The following NKAIN3 variants were observed in gnomAD, a reference collection of about 807,000 sequenced individuals.
NKAIN3 encodes sodium/potassium transporting ATPase interacting 3.
Under a neutral mutation model 30.2 loss-of-function variants are expected in NKAIN3, and 25 were observed. The observed-to-expected ratio is 0.83, with a 90% CI of 0.60 to 1.16. NKAIN3 has a LOEUF of 1.16. NKAIN3 is among the 50% of genes most tolerant of loss of function. NKAIN3 has a pLI of 0.00. For synonymous variants in NKAIN3, 91 were observed against 89.6 expected (o/e 1.02, Z -0.09); for missense variants, 225 against 254.1 (o/e 0.89, Z 0.78).
At chr8:62,442,297 A>G (rs1012680000) in intron 1 of NKAIN3, among the ~76,000 whole-genome samples, 9 of 151,986 alleles carry the variant, frequency 5.9e-5, no homozygotes, top group African/African-American at 2.2e-4. Flanking sequence ...TTGTCTATTC[A>G]TTAGGCTAAT....
chr8:62,966,199 C>A lies in NKAIN3; in HGVS notation c.*792C>A. ...ACATACAGCTCATGGGCTTGTGGGA[C>A]AGAAATCACAAACATAGACCTGCAG... On this transcript the variant is annotated 3_prime_UTR_variant, in exon 7 of 7. Coordinates refer to ENST00000623646, the MANE Select transcript of NKAIN3 (RefSeq NM_001304533.3). 1 of 984,846 alleles carries A rather than the reference C, an allele frequency of 1.0e-6. No individual in the cohort carries two copies. The highest frequency in any genetic ancestry group is 1.2e-6 in the Non-Finnish European group (1 of 829,524). The allele number at this position is 984,846 out of a possible 1,614,324, so 61.0% of individuals were successfully genotyped here.
At chr8:62,577,465 T>TG (rs1185635147) in intron 1 of NKAIN3, among the ~76,000 whole-genome samples, 2 of 102,438 alleles carry the variant, frequency 2.0e-5, no homozygotes, top group Non-Finnish European at 2.4e-5. Flanking sequence ...GTTTTTTTGT[T>TG]GTTTTTTTTT....
At chr8:62,767,384 G>A (rs1018359214) in intron 4 of NKAIN3, among the ~76,000 whole-genome samples, 1 of 152,124 alleles carries the variant, frequency 6.6e-6, no homozygotes, top group Admixed American at 6.6e-5. Context: ...CACCTGAAGA[G>A]GCTGGTGACC....
rs1809880924 is a variant in NKAIN3 at position 62,569,924 on chromosome 8, T to G, written c.55-9615T>G. The stretch of plus-strand genomic sequence containing the variant: ...TCATGATTATGAAATATTTATCACA[T>G]GAATTCCTAGGCTAGAGACTACACA... On this transcript the variant is annotated intron_variant, in intron 1 of 6. Coordinates refer to ENST00000623646, the MANE Select transcript of NKAIN3 (RefSeq NM_001304533.3). 2.0e-5 allele frequency among the ~76,000 whole-genome samples: 3 copies of G among 152,138 alleles called. No individual in the cohort carries two copies. In the South Asian group the frequency reaches 6.2e-4, roughly 32 times the overall value.
chr8:62,919,227 A>ATTTTTTTTT lies in NKAIN3; in HGVS notation c.532+741_532+749dup, dbSNP rs71255371. 4.2e-3 allele frequency among the ~76,000 whole-genome samples: 196 copies of ATTTTTTTTT among 47,182 alleles called. 13 individuals are homozygous for ATTTTTTTTT. Among genetic ancestry groups the ATTTTTTTTT allele is most frequent in the African/African-American group, 5.5e-3 (61 of 11,066 alleles). The allele number at this position is 47,182 out of a possible 152,430, so 31.0% of individuals were successfully genotyped here. A position where few individuals can be genotyped will look rare whatever the true frequency, so the allele number is the denominator to read the frequency against. On this transcript the variant is annotated intron_variant, in intron 5 of 6. Transcript: ENST00000623646. ...TCACTTTTTTTTATTTACTTTCAAAATTTTTTTTTTTTTTTTTTTTTTTTT... is the reference window on the plus strand; with the variant it reads ...TCACTTTTTTTTATTTACTTTCAAAATTTTTTTTTTTTTTTTTTTTTTTTTTTTTTTTTT...
chr8:62,955,795 A>C (rs1823404027), intron 6 of NKAIN3, among the ~76,000 whole-genome samples: 1 of 152,184 alleles, frequency 6.6e-6, no homozygotes, highest in South Asian at 2.1e-4. Flanking sequence ...AACACCCAAA[A>C]CATACTTTTA....
At chr8:62,550,470 TA>T (rs1809167557) in intron 1 of NKAIN3, among the ~76,000 whole-genome samples, 1 of 152,246 alleles carries the variant, frequency 6.6e-6, no homozygotes, top group Non-Finnish European at 1.5e-5. Flanking sequence ...TCTAAATCTT[TA>T]ACAGAGACCT....
Position 62,567,030 on chromosome 8 carries a change from T to C in NKAIN3, c.55-12509T>C, listed in dbSNP as rs1247185385. On this transcript the variant is annotated intron_variant, in intron 1 of 6. Coordinates refer to ENST00000623646, the MANE Select transcript of NKAIN3 (RefSeq NM_001304533.3). ...GTTACGCTTTGTGGATATAGCTTTA[T>C]AAGTACTTCTGTAGAGTTAAGGCTA... is the stretch of plus-strand genomic sequence containing the variant. 2.0e-5 allele frequency among the ~76,000 whole-genome samples: 3 copies of C among 152,168 alleles called. No individual in the cohort carries two copies. The East Asian group carries it at 5.8e-4, about 29-fold the overall frequency.
At chr8:62,785,785 C>G (rs1407925864) in intron 4 of NKAIN3, among the ~76,000 whole-genome samples, 4 of 152,104 alleles carry the variant, frequency 2.6e-5, no homozygotes, top group African/African-American at 9.7e-5. Flanking sequence ...CATCACTCCT[C>G]TATTTTCTTT....
At chr8:62,737,139 G>A (rs924331176) in intron 3 of NKAIN3, among the ~76,000 whole-genome samples, 2 of 152,166 alleles carry the variant, frequency 1.3e-5, no homozygotes, top group African/African-American at 4.8e-5. Flanking sequence ...AGACCTTGGA[G>A]CAAAAGTTCA....
chr8:62,777,886 G>GT (rs1194565739), intron 4 of NKAIN3, among the ~76,000 whole-genome samples: 1 of 152,102 alleles, frequency 6.6e-6, no homozygotes, highest in East Asian at 1.9e-4. Context: ...TGAGATCTAA[G>GT]TTTTTGGCTT....
intron 5 of NKAIN3, among the ~76,000 whole-genome samples, chr8:62,997,549 A>G (rs191981151): frequency 9.2e-4 from 140 of 152,288 alleles, no homozygotes; most frequent in African/African-American, 3.2e-3. Flanking sequence ...TAGTAGTGAG[A>G]TGTAATGGAG....
intron 1 of NKAIN3, among the ~76,000 whole-genome samples, chr8:62,298,358 A>T (rs1255627490): frequency 6.6e-6 from 1 of 152,130 alleles, no homozygotes; most frequent in African/African-American, 2.4e-5. Context: ...TTCAAAGAAT[A>T]CCTCTGATCT....
At chr8:62,745,742 T>C (rs1816048366) in intron 3 of NKAIN3, among the ~76,000 whole-genome samples, 1 of 152,170 alleles carries the variant, frequency 6.6e-6, no homozygotes, top group South Asian at 2.1e-4. Context: ...GTCTTCTTTG[T>C]TCTTGTGATT....
At chr8:62,560,807 C>T (rs967822121) in intron 1 of NKAIN3, among the ~76,000 whole-genome samples, 1 of 152,116 alleles carries the variant, frequency 6.6e-6, no homozygotes, top group African/African-American at 2.4e-5. Flanking sequence ...TCCCAAAATG[C>T]TGGGATTACA....
At chr8:62,826,344 T>C (rs1819024424) in intron 4 of NKAIN3, among the ~76,000 whole-genome samples, 1 of 152,138 alleles carries the variant, frequency 6.6e-6, no homozygotes, top group Non-Finnish European at 1.5e-5. Context: ...TTATTTAAAT[T>C]TGCTTGAGTA....
At chr8:62,407,287 GTA>G (rs370029388) in intron 1 of NKAIN3, among the ~76,000 whole-genome samples, 18 of 148,388 alleles carry the variant, frequency 1.2e-4, no homozygotes, top group East Asian at 2.0e-4. Context: ...GTATATGTGT[GTA>G]TATATATATA....
In NKAIN3 at chr8:62,929,458, C is replaced by G. The variant is rs1822552692; in HGVS notation, c.532+10945C>G. On this transcript the variant is annotated intron_variant, in intron 5 of 6. Coordinates refer to ENST00000623646, the MANE Select transcript of NKAIN3 (RefSeq NM_001304533.3). ...GTTTATTTGGAAAAGTAAATTAAAT[C>G]TGTTTCTTTTTTACTTAAGGAAAAC... Among the ~76,000 whole-genome samples the G allele has an allele frequency of 2.0e-5, 3 of 152,178 alleles. No individual in the cohort carries two copies. In the South Asian group the frequency reaches 6.2e-4, roughly 31 times the overall value.
At chr8:62,882,502 G>A (rs1821017525) in intron 4 of NKAIN3, among the ~76,000 whole-genome samples, 1 of 151,948 alleles carries the variant, frequency 6.6e-6, no homozygotes, top group South Asian at 2.1e-4. Context: ...ATTTTTAGTA[G>A]AGACAGGGTT....
Sources: gnomAD v4.1 joint callset for allele counts (sites outside exome capture counted in the v4.1 genomes callset) on GRCh38, gnomAD v4.1.1 for gene constraint, MANE v1.5 for transcripts, NCBI Gene and HGNC (gene_info 2026-07-23, HGNC 2026-07-21) for gene names.